FHIP1A: variants seen among roughly 807,000 people sequenced by gnomAD.
FHIP1A encodes the protein FHF complex subunit HOOK interacting protein 1A, also known as FHF complex subunit HOOK-interacting protein 1A.
In FHIP1A, 61 loss-of-function variants were observed where a neutral mutation model predicts 88.6. The observed-to-expected ratio is 0.69, with a 90% CI of 0.56 to 0.85. The LOEUF (loss-of-function observed/expected upper bound fraction) is 0.85, where lower values mean the gene tolerates loss of function less well. FHIP1A is among the 40% of genes least tolerant of loss of function. The pLI, the probability that FHIP1A is intolerant of heterozygous loss-of-function variation, is 0.00. For missense variants in FHIP1A, 1,154 were observed against 1,273.5 expected (o/e 0.91, Z 1.43); for synonymous variants, 478 against 496.0 (o/e 0.96, Z 0.48).
At chr4:151,614,464 G>C (rs570520525) in intron 7 of FHIP1A, among the ~76,000 whole-genome samples, 2 of 139,814 alleles carry the variant, frequency 1.4e-5, no homozygotes, top group East Asian at 2.1e-4. Flanking sequence ...GTGAGACTCT[G>C]TCTCAAAAAA....
At chr4:151,601,204 C>T (rs937537030) in intron 7 of FHIP1A, among the ~76,000 whole-genome samples, 1 of 152,136 alleles carries the variant, frequency 6.6e-6, no homozygotes, top group Non-Finnish European at 1.5e-5. Flanking sequence ...TTCTTCCTTC[C>T]AGTCTCCTGC....
At chr4:151,431,830 C>A (rs1733604070) in intron 1 of FHIP1A, among the ~76,000 whole-genome samples, 1 of 152,174 alleles carries the variant, frequency 6.6e-6, no homozygotes, top group Non-Finnish European at 1.5e-5. Flanking sequence ...CAGGATGGAT[C>A]ATTTAGCTGT....
chr4:151,502,755 C>A (rs1399650416), intron 3 of FHIP1A, among the ~76,000 whole-genome samples: 1 of 152,112 alleles, frequency 6.6e-6, no homozygotes, highest in African/African-American at 2.4e-5. Context: ...TATTCTTGAA[C>A]AATATACAAT....
In FHIP1A at chr4:151,558,426, C is replaced by T. The variant is rs889205749; in HGVS notation, c.-122-7712C>T. On this transcript the variant is annotated intron_variant, in intron 3 of 13. Coordinates refer to ENST00000435205, the MANE Select transcript of FHIP1A (RefSeq NM_001109977.3). ...TGGTGCACGCCTGTATTCCCAGCTA[C>T]TCGGAGGCTGAGGCATGAGAATCGC... 7.9e-5 allele frequency among the ~76,000 whole-genome samples: 12 copies of T among 152,138 alleles called. No individual in the cohort carries two copies. In the East Asian group the frequency reaches 1.6e-3, roughly 20 times the overall value.
chr4:151,531,942 A>C (rs1731891068), intron 3 of FHIP1A, among the ~76,000 whole-genome samples: 1 of 152,246 alleles, frequency 6.6e-6, no homozygotes, highest in Non-Finnish European at 1.5e-5. Context: ...TCAACACAGA[A>C]ATATATAAGG....
intron 3 of FHIP1A, among the ~76,000 whole-genome samples, chr4:151,518,757 T>TCAA (rs1731347014): frequency 6.7e-6 from 1 of 150,088 alleles, no homozygotes. Context: ...ACTCCTGAGC[T>TCAA]CAAGTGATCC....
intron 1 of FHIP1A, among the ~76,000 whole-genome samples, chr4:151,453,077 C>A (rs1200910973): frequency 3.3e-5 from 5 of 151,202 alleles, no homozygotes; most frequent in Non-Finnish European, 5.9e-5. Context: ...AGTACAGTGG[C>A]GTGATCTCGG....
intron 3 of FHIP1A, among the ~76,000 whole-genome samples, chr4:151,505,615 CTGAA>C (rs1355502043): frequency 6.6e-6 from 1 of 152,126 alleles, no homozygotes; most frequent in Non-Finnish European, 1.5e-5. Context: ...TAATTGAACG[CTGAA>C]TGTTCACAAA....
At chr4:151,629,979 T>G in intron 8 of FHIP1A, 110 bp downstream of exon 8, 1 of 943,566 alleles carries the variant, frequency 1.1e-6, no homozygotes, top group Non-Finnish European at 1.5e-6. Context: ...TTTTTTTTTC[T>G]TTTTCTTTTT....
chr4:151,579,179 T>A (rs1002378153), intron 5 of FHIP1A, among the ~76,000 whole-genome samples: 1 of 152,192 alleles, frequency 6.6e-6, no homozygotes, highest in Non-Finnish European at 1.5e-5. Flanking sequence ...GGTGGGTACA[T>A]GTCAATATAC....
chr4:151,463,954 A>G (rs1729221219), intron 2 of FHIP1A, among the ~76,000 whole-genome samples: 1 of 152,238 alleles, frequency 6.6e-6, no homozygotes, highest in African/African-American at 2.4e-5. Flanking sequence ...TCTTCCTACC[A>G]GACATGAATA....
intron 13 of FHIP1A, among the ~76,000 whole-genome samples, chr4:151,659,406 A>G (rs1178120196): frequency 2.6e-5 from 4 of 152,188 alleles, no homozygotes; most frequent in African/African-American, 9.7e-5. Context: ...GCCTGTTCTC[A>G]CTGGGATACA....
intron 2 of FHIP1A, among the ~76,000 whole-genome samples, chr4:151,480,800 G>C (rs1437098223): frequency 6.6e-6 from 1 of 151,952 alleles, no homozygotes; most frequent in Non-Finnish European, 1.5e-5. Context: ...CCTGTGCCTA[G>C]TTTTGAAGAT....
chr4:151,662,440 T>C (rs1439427855), intron 13 of FHIP1A, 61 bp from the exon 14 acceptor site: 1 of 1,449,324 alleles, frequency 6.9e-7, no homozygotes, highest in South Asian at 1.5e-5. Flanking sequence ...CATGCTTCAC[T>C]GAAGAGGGTG....
chr4:151,667,923 A>T lies in FHIP1A; in HGVS notation c.*5169A>T, dbSNP rs73862083. Among the ~76,000 whole-genome samples the T allele has an allele frequency of 7.8e-3, 1,190 of 152,286 alleles. 10 individuals carry two copies. Among genetic ancestry groups the T allele is most frequent in the African/African-American group, 0.027 (1,142 of 41,554 alleles). ...AAGCTCTTAGGCCAGATTAAATTTC[A>T]TGGAACGGAGGCTGCAGAAGTCTGT... is the stretch of plus-strand genomic sequence containing the variant. On this transcript the variant is annotated 3_prime_UTR_variant, in exon 14 of 14. Coordinates refer to ENST00000435205, the MANE Select transcript of FHIP1A (RefSeq NM_001109977.3).
chr4:151,413,151 AC>A (rs1349987419), intron 1 of FHIP1A, among the ~76,000 whole-genome samples: 2 of 152,122 alleles, frequency 1.3e-5, no homozygotes, highest in African/African-American at 4.8e-5. Flanking sequence ...AATTGAAGTA[AC>A]CTCCATTAAA....
chr4:151,614,809 G>A (rs990396752), intron 7 of FHIP1A, among the ~76,000 whole-genome samples: 2 of 152,194 alleles, frequency 1.3e-5, no homozygotes, highest in African/African-American at 4.8e-5. Flanking sequence ...TTAATGTATT[G>A]TCATAATTGT....
intron 7 of FHIP1A, among the ~76,000 whole-genome samples, chr4:151,591,638 G>C (rs911066637): frequency 6.6e-6 from 1 of 152,102 alleles, no homozygotes; most frequent in Non-Finnish European, 1.5e-5. Context: ...GGTGTGTGAT[G>C]TTCCCCTTTC....
chr4:151,453,015 GAC>G (rs1561501643), intron 1 of FHIP1A, among the ~76,000 whole-genome samples: 1 of 150,392 alleles, frequency 6.6e-6, no homozygotes, highest in East Asian at 1.9e-4. Flanking sequence ...GCCTATACTG[GAC>G]ATAGTTGTTT....
Sources: gnomAD v4.1 joint callset for allele counts (sites outside exome capture counted in the v4.1 genomes callset) on GRCh38, gnomAD v4.1.1 for gene constraint, MANE v1.5 for transcripts, NCBI Gene and HGNC (gene_info 2026-07-23, HGNC 2026-07-21) for gene names.